TEAD1: variants seen among roughly 807,000 people sequenced by gnomAD.
The protein encoded by TEAD1 is transcriptional enhancer factor TEF-1.
In TEAD1, 9 loss-of-function variants were observed where a neutral mutation model predicts 54.9. The ratio of observed to expected loss-of-function variants is 0.16; its 90% confidence interval spans 0.10 to 0.29. TEAD1 has a LOEUF of 0.29. TEAD1 is among the 10% of genes least tolerant of loss of function. The pLI, the probability that TEAD1 is intolerant of heterozygous loss-of-function variation, is 1.00. For missense variants in TEAD1, 387 were observed against 535.9 expected, an observed-to-expected ratio of 0.72 and a Z score of 2.74; for synonymous variants, 200 against 187.8, an observed-to-expected ratio of 1.07 and a Z score of -0.53.
intron 8 of TEAD1, among the ~76,000 whole-genome samples, chr11:12,882,551 C>T (rs1005750865): frequency 1.3e-5 from 2 of 152,148 alleles, no homozygotes; most frequent in Admixed American, 1.3e-4. Flanking sequence ...ACGTATTGCC[C>T]TGTGCCCGAG....
intron 3 of TEAD1, among the ~76,000 whole-genome samples, chr11:12,859,685 G>A (rs112988794): frequency 0.019 from 2,909 of 152,234 alleles, 100 homozygotes; most frequent in African/African-American, 0.066. Context: ...TGTGGTAAAA[G>A]GGTTCACAGG....
chr11:12,782,118 C>G (rs1238255836), intron 3 of TEAD1, among the ~76,000 whole-genome samples: 2 of 152,036 alleles, frequency 1.3e-5, no homozygotes, highest in African/African-American at 4.8e-5. Context: ...CCACGGCACT[C>G]CAGCCTGTCT....
intron 3 of TEAD1, among the ~76,000 whole-genome samples, chr11:12,778,197 G>A (rs533937313): frequency 1.3e-5 from 2 of 152,216 alleles, no homozygotes; most frequent in South Asian, 2.1e-4. Flanking sequence ...GATTGTAATC[G>A]TTGATTATAT....
Position 12,693,957 on chromosome 11 carries a change from G to A in TEAD1, c.-55+18396G>A, listed in dbSNP as rs1362794793. Among the ~76,000 whole-genome samples the A allele has an allele frequency of 3.9e-5, 6 of 152,164 alleles. No individual in the cohort carries two copies. The East Asian group carries it at 7.7e-4, about 20-fold the overall frequency. On this transcript the variant is annotated intron_variant, in intron 2 of 12. Transcript: ENST00000527636. The stretch of plus-strand genomic sequence containing the variant: ...GGTTCTGCTGCCTGCCTTTGTAAGC[G>A]GTAGGAAGATGTATGTCTGAGGAAC...
At chr11:12,720,230 C>A (rs1173587182) in intron 2 of TEAD1, among the ~76,000 whole-genome samples, 2 of 151,776 alleles carry the variant, frequency 1.3e-5, no homozygotes, top group Non-Finnish European at 2.9e-5. Context: ...AAAGTTAGAT[C>A]TCTAGAGAGA....
chr11:12,754,600 A>C (rs1944948005), intron 2 of TEAD1, among the ~76,000 whole-genome samples: 1 of 152,110 alleles, frequency 6.6e-6, no homozygotes, highest in Admixed American at 6.5e-5. Flanking sequence ...GACAGGAAAG[A>C]GTTTTTTCCT....
intron 12 of TEAD1, among the ~76,000 whole-genome samples, chr11:12,935,590 G>T (rs1386469814): frequency 6.6e-6 from 1 of 152,056 alleles, no homozygotes; most frequent in Non-Finnish European, 1.5e-5. Flanking sequence ...CTCCTGAGTA[G>T]CTGGGATTAC....
chr11:12,735,856 G>A (rs1312354120), intron 2 of TEAD1, among the ~76,000 whole-genome samples: 1 of 152,114 alleles, frequency 6.6e-6, no homozygotes, highest in Non-Finnish European at 1.5e-5. Context: ...ACAGAACCCT[G>A]CCTGAAGTTG....
intron 3 of TEAD1, among the ~76,000 whole-genome samples, chr11:12,780,360 C>T (rs1445644627): frequency 6.6e-6 from 1 of 151,612 alleles, no homozygotes; most frequent in Non-Finnish European, 1.5e-5. Context: ...TCTCCTGGCT[C>T]AGCCTCCCGA....
intron 3 of TEAD1, among the ~76,000 whole-genome samples, chr11:12,773,860 T>C (rs1461695678): frequency 6.6e-6 from 1 of 152,218 alleles, no homozygotes; most frequent in Non-Finnish European, 1.5e-5. Context: ...TGAGAACTCA[T>C]TGCCTAGCCC....
intron 2 of TEAD1, among the ~76,000 whole-genome samples, chr11:12,747,300 A>C (rs1944764420): frequency 6.6e-6 from 1 of 152,038 alleles, no homozygotes; most frequent in African/African-American, 2.4e-5. Context: ...ATATATTAGC[A>C]GTAATTATTA....
At chr11:12,762,946 G>C (rs984084083) in intron 2 of TEAD1, among the ~76,000 whole-genome samples, 1 of 152,148 alleles carries the variant, frequency 6.6e-6, no homozygotes, top group African/African-American at 2.4e-5. Context: ...GATTTGATGG[G>C]GTGAGAAGGG....
chr11:12,900,104 A>T (rs1589972858), intron 9 of TEAD1, among the ~76,000 whole-genome samples: 1 of 152,244 alleles, frequency 6.6e-6, no homozygotes, highest in East Asian at 1.9e-4. Context: ...TGTGTTGCCC[A>T]GGCTGGAGTG....
intron 2 of TEAD1, among the ~76,000 whole-genome samples, chr11:12,725,480 C>T (rs1944293023): frequency 6.6e-6 from 1 of 152,098 alleles, no homozygotes; most frequent in Admixed American, 6.5e-5. Context: ...TTGAATTGTT[C>T]CCAACACATA....
intron 3 of TEAD1, among the ~76,000 whole-genome samples, chr11:12,785,412 G>T (rs1036782188): frequency 2.0e-5 from 3 of 152,164 alleles, no homozygotes; most frequent in Admixed American, 2.0e-4. Context: ...CTGGGTTCCA[G>T]GGCACAGAGG....
At chr11:12,741,399 T>C (rs1434743964) in intron 2 of TEAD1, among the ~76,000 whole-genome samples, 3 of 152,200 alleles carry the variant, frequency 2.0e-5, no homozygotes, top group African/African-American at 4.8e-5. Flanking sequence ...CTTTTGAGGC[T>C]CCCAATAAAG....
chr11:12,835,339 A>AGGTTGGTT, intron 3 of TEAD1, among the ~76,000 whole-genome samples: 1 of 151,992 alleles, frequency 6.6e-6, no homozygotes, highest in South Asian at 2.1e-4. Flanking sequence ...TTTGGCTCTG[A>AGGTTGGTT]GGTTGGTTGG....
chr11:12,934,936 G>T (rs1035818711), intron 12 of TEAD1, among the ~76,000 whole-genome samples: 1 of 152,214 alleles, frequency 6.6e-6, no homozygotes. Flanking sequence ...AATGCAGAGT[G>T]ATGAGGTAGG....
At chr11:12,713,753 C>G (rs1280696586) in intron 2 of TEAD1, among the ~76,000 whole-genome samples, 6 of 152,190 alleles carry the variant, frequency 3.9e-5, no homozygotes, top group Non-Finnish European at 7.3e-5. Context: ...TCTCAGTGAC[C>G]TCATAGGACC....
Sources: allele counts gnomAD v4.1 joint callset (sites outside exome capture counted in the v4.1 genomes callset), GRCh38; gene constraint gnomAD v4.1.1; transcripts MANE v1.5; gene names NCBI Gene and HGNC (gene_info 2026-07-23, HGNC 2026-07-21).